Variants in SHLD1 observed in about 807,000 individuals in gnomAD.
SHLD1 encodes RINN1-REV7-interacting novel NHEJ regulator 3.
In SHLD1, 3 loss-of-function variants were observed where a neutral mutation model predicts 5.5. The observed-to-expected ratio is 0.54, with a 90% CI of 0.25 to 1.40. SHLD1 has a LOEUF of 1.40. SHLD1 is among the 40% of genes most tolerant of loss of function. The pLI is 0.15. For missense variants in SHLD1, 210 were observed against 244.4 expected (o/e 0.86, Z 0.94); for synonymous variants, 92 against 94.3 (o/e 0.98, Z 0.14).
chr20:5,767,249 T>C (rs563662697), intron 1 of SHLD1, among the ~76,000 whole-genome samples: 76 of 152,100 alleles, frequency 5.0e-4, no homozygotes, highest in Non-Finnish European at 8.4e-4. Flanking sequence ...TCATCCCATC[T>C]CAGCCTCCCG....
At chr20:5,765,407 G>A (rs538777390) in intron 1 of SHLD1, among the ~76,000 whole-genome samples, 69 of 151,744 alleles carry the variant, frequency 4.5e-4, no homozygotes, top group African/African-American at 1.5e-3. Flanking sequence ...CACCACACCC[G>A]GCTAATTTTT....
At chr20:5,832,829 A>C (rs1717002718) in intron 2 of SHLD1, among the ~76,000 whole-genome samples, 1 of 144,276 alleles carries the variant, frequency 6.9e-6, no homozygotes, top group Admixed American at 6.7e-5. Context: ...ATAAATAAAT[A>C]AATAAATAAA....
intron 2 of SHLD1, among the ~76,000 whole-genome samples, chr20:5,861,608 C>T (rs188935741): frequency 2.4e-4 from 37 of 152,262 alleles, no homozygotes; most frequent in African/African-American, 8.7e-4. Flanking sequence ...CTTTACATTA[C>T]CATAGACATT....
chr20:5,761,611 C>CT (rs5840103), intron 1 of SHLD1, among the ~76,000 whole-genome samples: 105,085 of 139,536 alleles, frequency 0.75, 39,509 homozygotes, highest in East Asian at 0.81. Flanking sequence ...GTCTTAATTT[C>CT]TTTTTTTTTT....
intron 2 of SHLD1, among the ~76,000 whole-genome samples, chr20:5,848,622 C>T (rs2087961139): frequency 1.3e-5 from 2 of 152,102 alleles, no homozygotes; most frequent in African/African-American, 4.8e-5. Context: ...GTGTTCATTG[C>T]CAATTTGGGG....
At chr20:5,856,876 T>A (rs1440722142) in intron 2 of SHLD1, among the ~76,000 whole-genome samples, 2 of 152,248 alleles carry the variant, frequency 1.3e-5, no homozygotes, top group African/African-American at 2.4e-5. Context: ...GTAATTTAAG[T>A]TTACTGGTAT....
chr20:5,781,819 G>A (rs1329226559), intron 2 of SHLD1, among the ~76,000 whole-genome samples: 1 of 152,106 alleles, frequency 6.6e-6, no homozygotes, highest in Admixed American at 6.6e-5. Flanking sequence ...CAATCAAAAA[G>A]CTCCTCTGCC....
intron 1 of SHLD1, among the ~76,000 whole-genome samples, chr20:5,763,685 A>T (rs1327130387): frequency 1.3e-5 from 2 of 152,288 alleles, no homozygotes; most frequent in East Asian, 3.9e-4. Context: ...AAAGGCACAG[A>T]CCACCGGCAG....
intron 1 of SHLD1, among the ~76,000 whole-genome samples, chr20:5,755,707 G>A (rs192892391): frequency 2.0e-5 from 3 of 151,984 alleles, no homozygotes; most frequent in East Asian, 1.9e-4. Flanking sequence ...TTACAGGCAC[G>A]CACCACCGCG....
intron 2 of SHLD1, among the ~76,000 whole-genome samples, chr20:5,817,190 T>C (rs2087540943): frequency 6.6e-6 from 1 of 152,240 alleles, no homozygotes; most frequent in Admixed American, 6.5e-5. Context: ...TGACTGATTT[T>C]TCTCCTGATT....
At chr20:5,849,378 G>A (rs1276383836) in intron 2 of SHLD1, among the ~76,000 whole-genome samples, 2 of 152,204 alleles carry the variant, frequency 1.3e-5, no homozygotes, top group Non-Finnish European at 1.5e-5. Flanking sequence ...ACAGGGAAAA[G>A]GAAAGGAGGA....
chr20:5,833,536 C>T (rs1163938670), intron 2 of SHLD1, among the ~76,000 whole-genome samples: 2 of 151,954 alleles, frequency 1.3e-5, no homozygotes, highest in African/African-American at 4.8e-5. Flanking sequence ...CTCTCTAGGC[C>T]TCTGCTTGAT....
Position 5,810,364 on chromosome 20 carries a change from A to G in SHLD1, c.178+37321A>G, listed in dbSNP as rs1319915729. 1.3e-5 allele frequency among the ~76,000 whole-genome samples: 2 copies of G among 152,086 alleles called. 1 individual carries two copies. The highest frequency in any genetic ancestry group is 4.8e-5 in the African/African-American group (2 of 41,340). ...GATCTTAGCATTAGGCTAGGTGGCAATTAGGAGATAGGTGTTCTAATCTCA... is the reference window on the plus strand; with the variant it reads ...GATCTTAGCATTAGGCTAGGTGGCAGTTAGGAGATAGGTGTTCTAATCTCA... On this transcript the variant is annotated intron_variant, in intron 2 of 2. Transcript: ENST00000303142.
At chr20:5,762,027 A>G (rs28720777) in intron 1 of SHLD1, among the ~76,000 whole-genome samples, 1 of 151,424 alleles carries the variant, frequency 6.6e-6, no homozygotes. Context: ...TGAGGCAGGT[A>G]GATCACCTGA....
At chr20:5,832,914 G>A (rs2087746870) in intron 2 of SHLD1, among the ~76,000 whole-genome samples, 1 of 152,136 alleles carries the variant, frequency 6.6e-6, no homozygotes, top group Admixed American at 6.6e-5. Context: ...GTCCTCTCCT[G>A]AGAATTATAA....
chr20:5,837,181 T>C (rs1198659020), intron 2 of SHLD1, among the ~76,000 whole-genome samples: 4 of 152,146 alleles, frequency 2.6e-5, no homozygotes, highest in African/African-American at 9.7e-5. Context: ...TGAGAGGCTA[T>C]TGGAGGGTAT....
intron 2 of SHLD1, among the ~76,000 whole-genome samples, chr20:5,802,022 A>G (rs960323768): frequency 1.3e-5 from 2 of 152,072 alleles, no homozygotes; most frequent in African/African-American, 4.8e-5. Flanking sequence ...AAATGCATAC[A>G]CTGTTTTTAA....
At chr20:5,798,043 T>A (rs1388137148) in intron 2 of SHLD1, among the ~76,000 whole-genome samples, 3 of 152,196 alleles carry the variant, frequency 2.0e-5, no homozygotes. Flanking sequence ...GCTGAGTGGT[T>A]CTTATGGTCC....
At chr20:5,761,765 G>A (rs1041898627) in intron 1 of SHLD1, among the ~76,000 whole-genome samples, 4 of 151,306 alleles carry the variant, frequency 2.6e-5, no homozygotes, top group Non-Finnish European at 4.4e-5. Flanking sequence ...ACGCCACCGC[G>A]CCCAGCTAAT....
Sources: allele counts gnomAD v4.1 joint callset (sites outside exome capture counted in the v4.1 genomes callset), GRCh38; gene constraint gnomAD v4.1.1; transcripts MANE v1.5; gene names NCBI Gene and HGNC (gene_info 2026-07-23, HGNC 2026-07-21).